WWOX: variants seen among roughly 807,000 people sequenced by gnomAD.
WWOX encodes WW domain-containing oxidoreductase.
In WWOX, 69 loss-of-function variants were observed where a neutral mutation model predicts 46.2. That is an observed-to-expected ratio of 1.49 (90% CI 1.23 to 1.82). WWOX has a LOEUF of 1.82. WWOX is among the 40% of genes most tolerant of loss of function. The probability of loss-of-function intolerance (pLI) is 0.00; values close to 1 mark genes in which losing one functional copy is unlikely to be tolerated. For missense variants in WWOX, 919 were observed against 542.6 expected, an observed-to-expected ratio of 1.69 and a Z score of -6.89; for synonymous variants, 359 against 202.6, an observed-to-expected ratio of 1.77 and a Z score of -6.56.
intron 8 of WWOX, chr16:78,891,351 G>A (rs1010000244): frequency 6.6e-5 from 10 of 152,030 alleles, no homozygotes; most frequent in African/African-American, 2.2e-4. Flanking sequence ...GACTCTAAAC[G>A]ATTGCGCTTC....
chr16:78,901,606 G>C lies in WWOX; in HGVS notation c.1057-310002G>C, dbSNP rs532315081. Among the ~76,000 whole-genome samples, 5 of 152,296 alleles carry C rather than the reference G, an allele frequency of 3.3e-5. No individual in the cohort carries two copies. The South Asian group carries it at 1.0e-3, about 32-fold the overall frequency. On this transcript the variant is annotated intron_variant, in intron 8 of 8. Transcript: ENST00000566780. ...AGACTCAAGTCATCCTCCCACCTCAGCCTCCTGAGTAACTAGGACCACAGG... is the reference window on the plus strand; with the variant it reads ...AGACTCAAGTCATCCTCCCACCTCACCCTCCTGAGTAACTAGGACCACAGG...
At position 78,936,621 on chromosome 16, in the gene WWOX, G is replaced by T. The variant is rs1295901042; in HGVS notation, c.1057-274987G>T. ...CACCCTGGGCAAGGTCCACAGGCTG[G>T]ATGGGTTTTGGAACATGTCTTGATT... is the stretch of plus-strand genomic sequence containing the variant. On this transcript the variant is annotated intron_variant, in intron 8 of 8. Transcript: ENST00000566780. Among the ~76,000 whole-genome samples, 5 of 152,150 alleles carry T rather than the reference G, an allele frequency of 3.3e-5. No homozygotes were observed. The South Asian group carries it at 1.0e-3, about 32-fold the overall frequency.
At chr16:78,362,000 C>G (rs1009585805) in intron 5 of WWOX, among the ~76,000 whole-genome samples, 14 of 142,656 alleles carry the variant, frequency 9.8e-5, no homozygotes, top group African/African-American at 3.6e-4. Context: ...ATTAATACCT[C>G]CATTTATTCT....
At chr16:78,363,712 C>G (rs1223043143) in intron 5 of WWOX, among the ~76,000 whole-genome samples, 2 of 152,168 alleles carry the variant, frequency 1.3e-5, no homozygotes, top group Non-Finnish European at 2.9e-5. Context: ...ATTTGCCAAC[C>G]CTCAACCTGT....
intron 8 of WWOX, among the ~76,000 whole-genome samples, chr16:78,672,727 A>G (rs1332808232): frequency 6.6e-6 from 1 of 152,238 alleles, no homozygotes; most frequent in African/African-American, 2.4e-5. Context: ...GAGGACCGTT[A>G]CTGGTCTGCA....
intron 8 of WWOX, among the ~76,000 whole-genome samples, chr16:78,483,914 G>A (rs973187382): frequency 2.0e-5 from 3 of 152,164 alleles, no homozygotes; most frequent in Non-Finnish European, 4.4e-5. Context: ...TTAGGGGGCA[G>A]GTTTTGTGGC....
chr16:78,498,991 G>C (rs1466952122), intron 8 of WWOX, among the ~76,000 whole-genome samples: 2 of 152,310 alleles, frequency 1.3e-5, no homozygotes, highest in East Asian at 1.9e-4. Context: ...ACTTCTGAAG[G>C]CTTTTTGTCT....
In WWOX at chr16:78,150,412, C is replaced by T. The variant is rs374110482; in HGVS notation, c.410-13771C>T. 3.9e-5 allele frequency among the ~76,000 whole-genome samples: 6 copies of T among 152,072 alleles called. No homozygotes were observed. The East Asian group carries it at 9.7e-4, about 25-fold the overall frequency. On this transcript the variant is annotated intron_variant, in intron 4 of 8. Coordinates refer to ENST00000566780, the MANE Select transcript of WWOX (RefSeq NM_016373.4). ...TTGAGATAGGGTCTCGCTCTGTTGC[C>T]CAGGCTGCAGTGCAGTGGTGCAATT...
chr16:78,729,456 C>T (rs529208427), intron 8 of WWOX, among the ~76,000 whole-genome samples: 2 of 152,088 alleles, frequency 1.3e-5, no homozygotes, highest in African/African-American at 4.8e-5. Flanking sequence ...AGAATGCAAG[C>T]ATCCTTATGG....
intron 8 of WWOX, among the ~76,000 whole-genome samples, chr16:78,466,545 T>G (rs2084082829): frequency 6.6e-6 from 1 of 152,052 alleles, no homozygotes. Context: ...TTTTAAATAT[T>G]CCAGCTGCGT....
chr16:78,282,196 T>A (rs10438627), intron 5 of WWOX, among the ~76,000 whole-genome samples: 39,637 of 152,122 alleles, frequency 0.26, 5,387 homozygotes, highest in East Asian at 0.45. Context: ...TCCCTAATGG[T>A]AAAATGAGGT....
At chr16:78,422,844 TACAC>T (rs370327902) in intron 6 of WWOX, among the ~76,000 whole-genome samples, 9,090 of 104,860 alleles carry the variant, frequency 0.087, 498 homozygotes, top group East Asian at 0.13. Context: ...TATATACATA[TACAC>T]ACACACACAC....
intron 8 of WWOX, among the ~76,000 whole-genome samples, chr16:78,812,811 C>G (rs966041436): frequency 2.0e-5 from 3 of 152,252 alleles, no homozygotes; most frequent in South Asian, 2.1e-4. Context: ...ACTAAAGACC[C>G]CATGTTTGTG....
At chr16:78,403,661 C>T (rs1045422805) in intron 6 of WWOX, among the ~76,000 whole-genome samples, 2 of 152,222 alleles carry the variant, frequency 1.3e-5, no homozygotes, top group Non-Finnish European at 2.9e-5. Flanking sequence ...GTCATCCCCC[C>T]TGTGCCAGGC....
In WWOX at chr16:78,676,246, G is replaced by A. The variant is rs58029612; in HGVS notation, c.1056+243494G>A. Among the ~76,000 whole-genome samples the A allele has an allele frequency of 3.4e-3, 511 of 151,856 alleles. 3 individuals are homozygous for A. The highest frequency in any genetic ancestry group is 0.012 in the African/African-American group (491 of 41,426). ...CAGAAGAAGCGGGATGCTCTCTACA[G>A]AGTCCGAAACAAAACACAGAAAATT... On this transcript the variant is annotated intron_variant, in intron 8 of 8. Transcript: ENST00000566780.
intron 8 of WWOX, among the ~76,000 whole-genome samples, chr16:79,125,663 C>T (rs536743454): frequency 2.0e-4 from 30 of 152,256 alleles, no homozygotes; most frequent in African/African-American, 7.0e-4. Context: ...TAGAGCAACC[C>T]CAACCCCCAG....
At chr16:78,131,172 C>G (rs1340816981) in intron 4 of WWOX, among the ~76,000 whole-genome samples, 2 of 152,206 alleles carry the variant, frequency 1.3e-5, no homozygotes, top group Admixed American at 1.3e-4. Context: ...CAGTGTGTGA[C>G]TGTACCAGCA....
At chr16:78,601,332 C>G (rs1035960901) in intron 8 of WWOX, among the ~76,000 whole-genome samples, 1 of 151,932 alleles carries the variant, frequency 6.6e-6, no homozygotes, top group Non-Finnish European at 1.5e-5. Flanking sequence ...GAGACAGATT[C>G]TGGAGAGACA....
At chr16:78,166,527 C>T (rs1056715422) in intron 5 of WWOX, among the ~76,000 whole-genome samples, 12 of 151,760 alleles carry the variant, frequency 7.9e-5, no homozygotes, top group African/African-American at 2.2e-4. Context: ...TAACAGTTCC[C>T]GAGTCATTTT....
Sources: gnomAD v4.1 joint callset for allele counts (sites outside exome capture counted in the v4.1 genomes callset) on GRCh38, gnomAD v4.1.1 for gene constraint, MANE v1.5 for transcripts, NCBI Gene and HGNC (gene_info 2026-07-23, HGNC 2026-07-21) for gene names.